CCDC102B: variants seen among roughly 807,000 people sequenced by gnomAD.
CCDC102B encodes coiled-coil domain containing 102B.
CCDC102B carries 75 observed loss-of-function variants against 57.4 expected under a neutral mutation model. The ratio of observed to expected loss-of-function variants is 1.31; its 90% CI spans 1.08 to 1.58. CCDC102B has a LOEUF of 1.58. Ranked by LOEUF, CCDC102B falls within the 40% of genes most tolerant of loss-of-function variation. CCDC102B has a pLI of 0.00. For synonymous variants in CCDC102B, 206 were observed against 201.9 expected (o/e 1.02, Z -0.17); for missense variants, 636 against 582.6 (o/e 1.09, Z -0.94).
At chr18:68,725,385 T>C (rs186259109) in intron 2 of CCDC102B, among the ~76,000 whole-genome samples, 1 of 152,346 alleles carries the variant, frequency 6.6e-6, no homozygotes, top group African/African-American at 2.4e-5. Flanking sequence ...CTAGTCTTTC[T>C]ACTTCAGGTC....
chr18:68,923,564 A>G (rs1032987558), intron 6 of CCDC102B, among the ~76,000 whole-genome samples: 1 of 151,984 alleles, frequency 6.6e-6, no homozygotes. Flanking sequence ...GTATTTTATC[A>G]CCCCCATTTT....
chr18:68,799,353 T>C (rs1310835665), intron 1 of CCDC102B, among the ~76,000 whole-genome samples: 2 of 152,142 alleles, frequency 1.3e-5, no homozygotes. Flanking sequence ...GATAATTTCA[T>C]TGTCTCTCTT....
In CCDC102B at chr18:68,746,206, G is replaced by T. The variant is rs193224841; in HGVS notation, c.-67+29612G>T. 2.3e-3 allele frequency among the ~76,000 whole-genome samples: 351 copies of T among 152,268 alleles called. 3 individuals are homozygous for T. The highest frequency in any genetic ancestry group is 4.1e-3 in the Non-Finnish European group (278 of 68,014). On this transcript the variant is annotated intron_variant, in intron 2 of 3. Coordinates refer to the CCDC102B transcript ENST00000578970. ...TTTCAATATATTACTGCCACATTAA[G>T]AGCTTCTTTCAAAAGAGCGAAACTT...
intron 6 of CCDC102B, among the ~76,000 whole-genome samples, chr18:68,964,534 G>A (rs1423636807): frequency 6.6e-6 from 1 of 151,346 alleles, no homozygotes; most frequent in Non-Finnish European, 1.5e-5. Context: ...AAGATTTCCA[G>A]CTATATTATC....
At chr18:68,751,988 A>G (rs2033868650) in intron 2 of CCDC102B, among the ~76,000 whole-genome samples, 1 of 152,194 alleles carries the variant, frequency 6.6e-6, no homozygotes, top group African/African-American at 2.4e-5. Flanking sequence ...AAGGTCGGGC[A>G]TGGTAACTCA....
chr18:68,837,007 A>G lies in CCDC102B; in HGVS notation c.244A>G (p.Lys82Glu), dbSNP rs1401014243. 6.2e-7 allele frequency: 1 copy of G among 1,614,156 alleles called. No homozygotes were observed. The highest frequency in any genetic ancestry group is 8.5e-7 in the Non-Finnish European group (1 of 1,180,036). ...ELRLRELEEV[K>E]ARAAQMEKTM... ...TCGCCTGCGGGAGCTTGAAGAAGTC[A>G]AGGCCAGAGCTGCTCAGATGGAAAA... The change falls in exon 2 of 8, where the codon AAG becomes GAG. Residue 82 changes from lysine (K) to glutamate (E), a missense_variant. Lys to Glu is a moderately conservative substitution (Grantham distance 56). Coordinates refer to ENST00000360242, the MANE Select transcript of CCDC102B (RefSeq NM_024781.3).
At chr18:68,889,999 C>A (rs2144991648) in intron 5 of CCDC102B, among the ~76,000 whole-genome samples, 1 of 152,302 alleles carries the variant, frequency 6.6e-6, no homozygotes, top group Admixed American at 6.5e-5. Context: ...CTTCAAACAG[C>A]CCTGGCATAT....
At chr18:68,759,616 T>C (rs2034186837) in intron 2 of CCDC102B, among the ~76,000 whole-genome samples, 1 of 152,136 alleles carries the variant, frequency 6.6e-6, no homozygotes, top group Non-Finnish European at 1.5e-5. Context: ...CACATTCAAA[T>C]TGTCAATCAG....
intron 2 of CCDC102B, among the ~76,000 whole-genome samples, chr18:68,784,276 A>G (rs2035109854): frequency 6.6e-6 from 1 of 151,632 alleles, no homozygotes; most frequent in African/African-American, 2.4e-5. Context: ...GCAAAGGGTG[A>G]GTGAGGCGTC....
At chr18:68,998,967 CATATATATATATATATAT>C (rs377246950) in intron 6 of CCDC102B, among the ~76,000 whole-genome samples, 17 of 92,018 alleles carry the variant, frequency 1.8e-4, no homozygotes, top group African/African-American at 7.1e-4. Flanking sequence ...ACATAATCAT[CATATATATATATATATAT>C]ATATATATAT....
intron 5 of CCDC102B, among the ~76,000 whole-genome samples, chr18:68,876,453 T>A (rs1190561208): frequency 6.6e-6 from 1 of 152,190 alleles, no homozygotes; most frequent in Non-Finnish European, 1.5e-5. Flanking sequence ...TTTACTGACA[T>A]AGTTAAATAG....
chr18:68,828,338 A>C (rs1321794515), intron 1 of CCDC102B, among the ~76,000 whole-genome samples: 4 of 150,740 alleles, frequency 2.7e-5, no homozygotes, highest in Non-Finnish European at 4.5e-5. Flanking sequence ...AAAAAAAAAA[A>C]AAAAAAAAAC....
In CCDC102B at chr18:69,019,539, G is replaced by C. The variant is rs1357453866; in HGVS notation, c.1434+8435G>C. Among the ~76,000 whole-genome samples, 3 of 151,740 alleles carry C rather than the reference G, an allele frequency of 2.0e-5. No individual in the cohort carries two copies. In the East Asian group the frequency reaches 5.8e-4, roughly 29 times the overall value. On this transcript the variant is annotated intron_variant, in intron 7 of 7. Coordinates refer to ENST00000360242, the MANE Select transcript of CCDC102B (RefSeq NM_024781.3). ...TTCTTGTTCAGATAGTTTGTTTTTG[G>C]TGCTAGAAACACAACTGGATTTTGC...
intron 6 of CCDC102B, among the ~76,000 whole-genome samples, chr18:68,919,813 T>C (rs1053830427): frequency 1.3e-5 from 2 of 150,272 alleles, no homozygotes; most frequent in African/African-American, 4.9e-5. Flanking sequence ...GGAGAGAATG[T>C]CTTCAATAAT....
At chr18:68,979,123 G>A (rs577721056) in intron 6 of CCDC102B, among the ~76,000 whole-genome samples, 11 of 152,034 alleles carry the variant, frequency 7.2e-5, no homozygotes, top group African/African-American at 2.7e-4. Flanking sequence ...GTGGGAGGTG[G>A]GTCCGCAGGG....
At chr18:68,908,164 T>G (rs2040711841) in intron 6 of CCDC102B, 1 of 152,220 alleles carries the variant, frequency 6.6e-6, no homozygotes, top group African/African-American at 2.4e-5. Flanking sequence ...TTTCTTAATA[T>G]TCTATTGGAT....
intron 2 of CCDC102B, among the ~76,000 whole-genome samples, chr18:68,748,882 A>G (rs1323987913): frequency 1.3e-5 from 2 of 152,120 alleles, no homozygotes; most frequent in Non-Finnish European, 2.9e-5. Context: ...GGGAAATGGA[A>G]TAAGAATGGG....
intron 6 of CCDC102B, chr18:68,899,874 A>G (rs1157987219): frequency 6.6e-6 from 1 of 152,190 alleles, no homozygotes; most frequent in Non-Finnish European, 1.5e-5. Flanking sequence ...ATTAATCAAA[A>G]GACAAATAAT....
chr18:68,900,267 A>G (rs969516682), intron 6 of CCDC102B: 1 of 152,290 alleles, frequency 6.6e-6, no homozygotes, highest in Non-Finnish European at 1.5e-5. Flanking sequence ...AAAGATGTTT[A>G]AGACCTAGAT....
Sources: gnomAD v4.1 joint callset for allele counts (sites outside exome capture counted in the v4.1 genomes callset) on GRCh38, gnomAD v4.1.1 for gene constraint, MANE v1.5 for transcripts, NCBI Gene and HGNC (gene_info 2026-07-23, HGNC 2026-07-21) for gene names.